VPS13B: variants seen among roughly 807,000 people sequenced by gnomAD.
VPS13B encodes vacuolar protein sorting 13 homolog B, also known as intermembrane lipid transfer protein VPS13B.
VPS13B carries 285 observed loss-of-function variants against 426.4 expected under a neutral mutation model. The ratio of observed to expected loss-of-function variants is 0.67; its 90% confidence interval spans 0.61 to 0.74. The LOEUF is 0.74. VPS13B is among the 30% of genes least tolerant of loss of function. The pLI is 0.00. For synonymous variants in VPS13B, 1,676 were observed against 1,676.4 expected (o/e 1.00, Z 0.01); for missense variants, 4,537 against 4,782.6 (o/e 0.95, Z 1.51).
chr8:99,316,762 A>C (rs1191960259), intron 19 of VPS13B, among the ~76,000 whole-genome samples: 1 of 152,226 alleles, frequency 6.6e-6, no homozygotes, highest in Middle Eastern at 3.4e-3. Context: ...TTTACTCACT[A>C]GGTTCTTCTG....
At chr8:99,834,542 T>TA (rs200674576) in intron 52 of VPS13B, among the ~76,000 whole-genome samples, 2,216 of 146,388 alleles carry the variant, frequency 0.015, 27 homozygotes, top group Non-Finnish European at 0.023. Context: ...TATTTTTATT[T>TA]TTTATTTTTT....
intron 55 of VPS13B, among the ~76,000 whole-genome samples, chr8:99,851,892 G>A (rs776298986): frequency 1.3e-5 from 2 of 152,024 alleles, no homozygotes; most frequent in African/African-American, 2.4e-5. Flanking sequence ...ATCATTGGCC[G>A]CTTTGTTGAA....
intron 19 of VPS13B, among the ~76,000 whole-genome samples, chr8:99,282,042 T>C (rs1241072490): frequency 6.6e-6 from 1 of 152,170 alleles, no homozygotes; most frequent in East Asian, 1.9e-4. Context: ...AAACTCAGTA[T>C]AATTTTTTAT....
intron 20 of VPS13B, 140 bp from the exon 21 acceptor site, chr8:99,391,417 A>T: frequency 3.8e-6 from 5 of 1,304,130 alleles, no homozygotes; most frequent in Non-Finnish European, 5.3e-6. Context: ...AGGGAGGGAG[A>T]GATTGATTGA....
At chr8:99,423,178 T>C (rs1816472936) in intron 21 of VPS13B, among the ~76,000 whole-genome samples, 1 of 152,166 alleles carries the variant, frequency 6.6e-6, no homozygotes, top group South Asian at 2.1e-4. Flanking sequence ...CTTTTATAAA[T>C]TGTTTGCATG....
Position 99,239,083 on chromosome 8 carries a change from C to A in VPS13B, c.2516-35115C>A, listed in dbSNP as rs558229514. 4.8e-4 allele frequency among the ~76,000 whole-genome samples: 73 copies of A among 152,162 alleles called. 1 individual carries two copies. In the South Asian group the frequency reaches 0.015, roughly 31 times the overall value. On this transcript the variant is annotated intron_variant, in intron 17 of 61. Coordinates refer to ENST00000357162, the MANE Select transcript of VPS13B (RefSeq NM_152564.5). ...TTGTTGGTGAGGCCCTTACATTTGACCTTTAATGAGCATCCCAGTGTTATC... is the reference window on the plus strand; with the variant it reads ...TTGTTGGTGAGGCCCTTACATTTGAACTTTAATGAGCATCCCAGTGTTATC...
At chr8:99,029,279 T>C (rs1357898805) in intron 2 of VPS13B, among the ~76,000 whole-genome samples, 1 of 143,618 alleles carries the variant, frequency 7.0e-6, no homozygotes, top group African/African-American at 2.7e-5. Flanking sequence ...GCAGAGACGC[T>C]CCTCACTTTC....
chr8:99,246,902 A>G lies in VPS13B; in HGVS notation c.2516-27296A>G, dbSNP rs544727082. On this transcript the variant is annotated intron_variant, in intron 17 of 61. Coordinates refer to ENST00000357162, the MANE Select transcript of VPS13B (RefSeq NM_152564.5). Reference sequence around the variant, plus strand: ...GAGCTCTGATTATCATCAGTTTTGCACATATTTCGTGTTTGTTGGTACTTT... The same window carrying G: ...GAGCTCTGATTATCATCAGTTTTGCGCATATTTCGTGTTTGTTGGTACTTT... 2.6e-5 allele frequency among the ~76,000 whole-genome samples: 4 copies of G among 151,956 alleles called. 1 individual carries two copies. Among genetic ancestry groups the G allele is most frequent in the Non-Finnish European group, 2.9e-5 (2 of 67,966 alleles).
intron 17 of VPS13B, among the ~76,000 whole-genome samples, chr8:99,229,778 T>G (rs957930029): frequency 1.4e-4 from 21 of 152,146 alleles, no homozygotes; most frequent in Non-Finnish European, 2.2e-4. Context: ...TCTAAAGCCT[T>G]GCAAGCCACA....
At chr8:99,331,629 T>C (rs1459168758) in intron 19 of VPS13B, among the ~76,000 whole-genome samples, 8 of 151,788 alleles carry the variant, frequency 5.3e-5, no homozygotes, top group Admixed American at 4.6e-4. Flanking sequence ...TAACAACATA[T>C]GAAATATGTA....
intron 39 of VPS13B, among the ~76,000 whole-genome samples, chr8:99,735,843 T>C (rs577449679): frequency 4.6e-5 from 7 of 152,232 alleles, no homozygotes; most frequent in South Asian, 2.1e-4. Context: ...TATTATGGAC[T>C]GGGGGGTGGA....
At chr8:99,704,493 A>G (rs1832416792) in intron 36 of VPS13B, among the ~76,000 whole-genome samples, 1 of 152,184 alleles carries the variant, frequency 6.6e-6, no homozygotes, top group African/African-American at 2.4e-5. Context: ...AGATATGACT[A>G]CCTAAAATAA....
intron 54 of VPS13B, 88 bp downstream of exon 54, chr8:99,835,826 T>C: frequency 7.6e-7 from 1 of 1,315,822 alleles, no homozygotes. Context: ...AACATAATTT[T>C]CTAAATGCTG....
chr8:99,870,768 T>TA lies in VPS13B; in HGVS notation c.11393-16dup. The TA allele has an allele frequency of 6.2e-7, 1 of 1,613,168 alleles. No individual in the cohort carries two copies. The highest frequency in any genetic ancestry group is 8.5e-7 in the Non-Finnish European group (1 of 1,179,086). On this transcript the variant is annotated splice_polypyrimidine_tract_variant and intron_variant, in intron 59 of 61. Coordinates refer to ENST00000357162, the MANE Select transcript of VPS13B (RefSeq NM_152564.5). ...CAGAAAACAAGTAGTAAAACTCCCT[T>TA]ACTTCTCTTACCACAGGTATTTTAC...
intron 19 of VPS13B, among the ~76,000 whole-genome samples, chr8:99,360,179 T>TTTC (rs1198971536): frequency 2.4e-5 from 1 of 40,986 alleles, no homozygotes; most frequent in Admixed American, 2.7e-4. Flanking sequence ...TCTTTCTTTC[T>TTTC]TTCTTTCTTT....
intron 21 of VPS13B, among the ~76,000 whole-genome samples, chr8:99,419,998 A>G (rs1389218895): frequency 6.6e-6 from 1 of 152,200 alleles, no homozygotes; most frequent in Non-Finnish European, 1.5e-5. Context: ...TTTATGTTTA[A>G]AGGGAAAATT....
At chr8:99,540,207 G>T (rs1468393502) in intron 30 of VPS13B, among the ~76,000 whole-genome samples, 1 of 145,782 alleles carries the variant, frequency 6.9e-6, no homozygotes, top group African/African-American at 2.5e-5. Flanking sequence ...AGCCTCCCAA[G>T]TAGCTGGGAC....
chr8:99,340,496 A>G (rs1176398905), intron 19 of VPS13B: 1 of 484,370 alleles, frequency 2.1e-6, no homozygotes, highest in Admixed American at 2.3e-5. Context: ...AGTTTTACCA[A>G]AAGTCACAGC....
At chr8:99,423,370 C>A (rs527460991) in intron 21 of VPS13B, among the ~76,000 whole-genome samples, 1 of 151,918 alleles carries the variant, frequency 6.6e-6, no homozygotes, top group Non-Finnish European at 1.5e-5. Context: ...AATTCTCCTG[C>A]CTCAGCTACC....
Sources: allele counts gnomAD v4.1 joint callset (sites outside exome capture counted in the v4.1 genomes callset), GRCh38; gene constraint gnomAD v4.1.1; transcripts MANE v1.5; gene names NCBI Gene and HGNC (gene_info 2026-07-23, HGNC 2026-07-21).